The following HECTD4 variants were observed in gnomAD, a reference collection of about 807,000 sequenced individuals.
The protein encoded by HECTD4 is HECT domain E3 ubiquitin protein ligase 4.
In HECTD4, 114 loss-of-function variants were observed where a neutral mutation model predicts 471.5. The ratio of observed to expected loss-of-function variants is 0.24; its 90% CI spans 0.21 to 0.28. The LOEUF (loss-of-function observed/expected upper bound fraction) is 0.28. Among genes scored for constraint, HECTD4 ranks in the 10% least tolerant of loss-of-function variants. HECTD4 has a pLI of 1.00. For missense variants in HECTD4, 3,866 were observed against 5,651.5 expected (o/e 0.68, Z 10.13); for synonymous variants, 2,012 against 2,256.0 (o/e 0.89, Z 3.07).
At chr12:112,187,669 C>T (rs567580725) in intron 60 of HECTD4, among the ~76,000 whole-genome samples, 114 of 142,460 alleles carry the variant, frequency 8.0e-4, no homozygotes, top group Non-Finnish European at 1.4e-3. Context: ...CTCTGTCGCC[C>T]AGGCTGGAGT....
At chr12:112,363,731 C>T (rs944347545) in intron 1 of HECTD4, among the ~76,000 whole-genome samples, 2 of 151,600 alleles carry the variant, frequency 1.3e-5, no homozygotes, top group African/African-American at 4.8e-5. Flanking sequence ...AATCCCAGCA[C>T]TTTGGGAGGC....
At chr12:112,247,786 A>G (rs1289928692) in intron 27 of HECTD4, among the ~76,000 whole-genome samples, 1 of 152,186 alleles carries the variant, frequency 6.6e-6, no homozygotes, top group Non-Finnish European at 1.5e-5. Flanking sequence ...TTAAGGCTTG[A>G]AAGCAAAATT....
intron 21 of HECTD4, among the ~76,000 whole-genome samples, chr12:112,256,018 G>T (rs774009025): frequency 2.6e-5 from 4 of 152,126 alleles, no homozygotes; most frequent in Non-Finnish European, 5.9e-5. Flanking sequence ...GGGAGGGCAG[G>T]GGGTAAGCAG....
At chr12:112,165,165 C>T (rs560216408) in intron 72 of HECTD4, among the ~76,000 whole-genome samples, 2 of 150,842 alleles carry the variant, frequency 1.3e-5, no homozygotes, top group South Asian at 2.1e-4. Flanking sequence ...GTGATCTACC[C>T]GCCTCAGCCT....
At chr12:112,345,787 C>G in intron 1 of HECTD4, among the ~76,000 whole-genome samples, 1 of 151,998 alleles carries the variant, frequency 6.6e-6, no homozygotes, top group East Asian at 1.9e-4. Flanking sequence ...CCCAGCTACT[C>G]GGGAGGCTGA....
Position 112,381,815 on chromosome 12 carries a change from C to G in HECTD4, c.177+137G>C, listed in dbSNP as rs2036899030. On this transcript the variant is annotated intron_variant, in intron 1 of 75. Transcript: ENST00000682272. The surrounding 1 kb of genome is among the most constrained non-coding windows in gnomAD (Gnocchi z 4.1). ...ACCTGCGGCCGCGGCCCCACCTGCC[C>G]GCCCCGCGCCCACACACACCTGCCC... is the stretch of plus-strand genomic sequence containing the variant. 3 of 491,542 alleles carry G rather than the reference C, an allele frequency of 6.1e-6. No individual in the cohort carries two copies. Among genetic ancestry groups the G allele is most frequent in the Non-Finnish European group, 9.2e-6 (3 of 324,628 alleles). 30.4% of individuals were successfully genotyped at this position (491,542 alleles called of 1,614,324 possible).
chr12:112,246,965 A>G lies in HECTD4; in HGVS notation c.4449T>C (p.His1483=), dbSNP rs761002819. 2.0e-5 allele frequency: 33 copies of G among 1,612,168 alleles called. No homozygotes were observed. The highest frequency in any genetic ancestry group is 2.7e-5 in the Non-Finnish European group (32 of 1,179,874). Residue 1483 remains histidine (H), a synonymous_variant, in exon 29 of 76, where the codon CAT becomes CAC. Coordinates refer to ENST00000682272, the MANE Select transcript of HECTD4 (RefSeq NM_001388303.1). ...SLMNRAELLL[H]VTIAAQSGLT... is the part of the protein sequence containing the mutation. ...GGCCCGACTGGGCTGCGATGGTGAC[A>G]TGCAGCAACAGCTCGGCTCGGTTCA...
chr12:112,301,929 CCA>C lies in HECTD4; in HGVS notation c.1335+4133_1335+4134del. The C allele has an allele frequency of 1.0e-5, 10 of 1,002,768 alleles. No individual in the cohort carries two copies. The South Asian group carries it at 1.2e-4, about 12-fold the overall frequency. The allele number at this position is 1,002,768 out of a possible 1,614,324, so 62.1% of individuals were successfully genotyped here. A position where few individuals can be genotyped will look rare whatever the true frequency, so the allele number is the denominator to read the frequency against. ...GCCTTTTCGAGCTTGGCAATGCAAGCCACAGACTTGGGACCCAAGATATTGCC... is the reference window on the plus strand; with the variant it reads ...GCCTTTTCGAGCTTGGCAATGCAAGCCAGACTTGGGACCCAAGATATTGCC... On this transcript the variant is annotated intron_variant, in intron 7 of 75. Transcript: ENST00000682272.
intron 44 of HECTD4, among the ~76,000 whole-genome samples, chr12:112,223,861 C>T (rs1394997158): frequency 1.3e-5 from 2 of 152,120 alleles, no homozygotes; most frequent in Non-Finnish European, 2.9e-5. Flanking sequence ...AAGTTTGCCA[C>T]TTAATTCATC....
At chr12:112,205,378 G>A (rs1799099337) in intron 52 of HECTD4, among the ~76,000 whole-genome samples, 1 of 152,102 alleles carries the variant, frequency 6.6e-6, no homozygotes, top group Non-Finnish European at 1.5e-5. Flanking sequence ...AGGTTGCAGT[G>A]AGCTGAGATT....
rs1442080095 is a variant in HECTD4, at chr12:112,194,013, G to C, written c.8750-339C>G. Among the ~76,000 whole-genome samples, 1 of 152,174 alleles carries C rather than the reference G, an allele frequency of 6.6e-6. No homozygotes were observed. The highest frequency in any genetic ancestry group is 1.5e-5 in the Non-Finnish European group (1 of 68,032). ...AGAGCCTGACCTGTCTGACTACTCT[G>C]GCCCACCCCCGCAGGGTACCTTAGG... On this transcript the variant is annotated intron_variant, in intron 56 of 75. Coordinates refer to ENST00000682272, the MANE Select transcript of HECTD4 (RefSeq NM_001388303.1). This position sits in a 1 kb window ranked among gnomAD's most constrained non-coding sequence, Gnocchi z 4.6.
intron 1 of HECTD4, among the ~76,000 whole-genome samples, chr12:112,335,423 C>G (rs944990189): frequency 5.3e-5 from 8 of 151,896 alleles, no homozygotes; most frequent in African/African-American, 1.9e-4. Context: ...CTATAAATTG[C>G]GGCTCATGCC....
chr12:112,267,070 G>T, intron 13 of HECTD4, 88 bp from the exon 14 acceptor site: 1 of 787,716 alleles, frequency 1.3e-6, no homozygotes, highest in Non-Finnish European at 2.1e-6. Context: ...TATTAAAGAT[G>T]TCAATTGGAT....
rs1317485973 is a variant in HECTD4 at position 112,324,046 on chromosome 12, C to A, written c.178-4304G>T. ...CCTTCCTTCCTTCCTTCCTTCCTTC[C>A]TTTCTTTCTTTCTTTCTTTCTTTCT... is the stretch of plus-strand genomic sequence containing the variant. On this transcript the variant is annotated intron_variant, in intron 1 of 75. Transcript: ENST00000682272. Among the ~76,000 whole-genome samples the A allele has an allele frequency of 3.2e-4, 15 of 46,436 alleles. 2 individuals carry two copies. Among genetic ancestry groups the A allele is most frequent in the Non-Finnish European group, 3.6e-4 (11 of 30,910 alleles). 30.5% of individuals were successfully genotyped at this position (46,436 alleles called of 152,430 possible).
chr12:112,174,500 C>T (rs964761597), intron 66 of HECTD4, among the ~76,000 whole-genome samples: 6 of 150,724 alleles, frequency 4.0e-5, no homozygotes, highest in Admixed American at 1.3e-4. Flanking sequence ...GTGATCCACC[C>T]GCCTCAGCCT....
intron 2 of HECTD4, among the ~76,000 whole-genome samples, chr12:112,316,854 TA>T (rs529342848): frequency 1.5e-3 from 215 of 140,064 alleles, no homozygotes; most frequent in South Asian, 7.0e-3. Context: ...GGAACCATGT[TA>T]AAAAAAAAAA....
At chr12:112,282,669 G>A (rs555278398) in intron 8 of HECTD4, among the ~76,000 whole-genome samples, 1 of 152,126 alleles carries the variant, frequency 6.6e-6, no homozygotes, top group African/African-American at 2.4e-5. Flanking sequence ...AATTCTGTAC[G>A]TGTATTATCT....
At chr12:112,180,423 T>C (rs2031623967) in intron 62 of HECTD4, among the ~76,000 whole-genome samples, 2 of 151,780 alleles carry the variant, frequency 1.3e-5, no homozygotes, top group Admixed American at 6.6e-5. Context: ...TCTTCTCAGC[T>C]ACTCAGGAGG....
rs1007344033 is a variant in HECTD4, at chr12:112,381,957, G to A, written c.172C>T (p.Leu58=). 7.0e-5 allele frequency: 86 copies of A among 1,224,094 alleles called. No homozygotes were observed. Among genetic ancestry groups the A allele is most frequent in the Non-Finnish European group, 8.6e-5 (85 of 983,078 alleles). 75.8% of individuals were successfully genotyped at this position (1,224,094 alleles called of 1,614,324 possible). Residue 58 remains leucine, a synonymous_variant, in exon 1 of 76, where the codon CTG becomes TTG. Transcript: ENST00000682272. This position sits in a 1 kb window ranked among gnomAD's most constrained non-coding sequence, Gnocchi z 4.1. ...CCGGGGGCCGCCTCGCTCACCTCCA[G>A]GTCGGTGTCCGCGGCCTCTGGGGCC... The part of the protein sequence containing the change: ...LGAPEAADTD[L]EILTFETKNP...
Sources: gnomAD v4.1 joint callset for allele counts (sites outside exome capture counted in the v4.1 genomes callset) on GRCh38, gnomAD v4.1.1 for gene constraint, Gnocchi (gnomAD v3.1) non-coding constraint, MANE v1.5 for transcripts, NCBI Gene and HGNC (gene_info 2026-07-23, HGNC 2026-07-21) for gene names.